Variants in SLC44A5 observed in about 807,000 individuals in gnomAD.
The protein encoded by SLC44A5 is solute carrier family 44 member 5.
SLC44A5 carries 57 observed loss-of-function variants against 101.8 expected under a neutral mutation model. The observed-to-expected ratio is 0.56, with a 90% CI of 0.45 to 0.70. The LOEUF is 0.70. Ranked by LOEUF, SLC44A5 falls within the 30% of genes least tolerant of loss-of-function variation. SLC44A5 has a pLI of 0.00. For synonymous variants in SLC44A5, 281 were observed against 290.9 expected (o/e 0.97, Z 0.35); for missense variants, 737 against 853.1 (o/e 0.86, Z 1.70).
intron 3 of SLC44A5, chr1:75,357,157 G>C (rs754816368): frequency 4.4e-6 from 2 of 454,910 alleles, no homozygotes; most frequent in South Asian, 3.1e-5. Context: ...TTACTTGCAG[G>C]AATTTAGAGA....
intron 5 of SLC44A5, among the ~76,000 whole-genome samples, chr1:75,297,857 A>C (rs1654089431): frequency 6.6e-6 from 1 of 152,170 alleles, no homozygotes; most frequent in South Asian, 2.1e-4. Context: ...TCAAATGTTA[A>C]GTGTCTCTGT....
chr1:75,668,963 G>T, the SLC44A5 span, among the ~76,000 whole-genome samples: 1 of 151,334 alleles, frequency 6.6e-6, no homozygotes, highest in African/African-American at 2.5e-5. Flanking sequence ...CCAAGATCAC[G>T]CCACCGAACT....
intron 2 of SLC44A5, among the ~76,000 whole-genome samples, chr1:75,478,339 AT>A (rs1667574938): frequency 6.6e-6 from 1 of 152,256 alleles, no homozygotes; most frequent in African/African-American, 2.4e-5. Flanking sequence ...AAGAAACTGC[AT>A]GAACTAACGA....
At chr1:75,624,570 C>T in the SLC44A5 span, among the ~76,000 whole-genome samples, 2 of 152,060 alleles carry the variant, frequency 1.3e-5, no homozygotes, top group Admixed American at 6.6e-5. Context: ...GGTCAGTAGG[C>T]CATTAGAGAA....
chr1:75,217,253 G>A (rs1171960238), intron 18 of SLC44A5, among the ~76,000 whole-genome samples: 1 of 151,928 alleles, frequency 6.6e-6, no homozygotes, highest in Non-Finnish European at 1.5e-5. Flanking sequence ...TAGTTTCTGG[G>A]ATTTCTGTTT....
At chr1:75,692,749 G>A in the SLC44A5 span, among the ~76,000 whole-genome samples, 2 of 152,120 alleles carry the variant, frequency 1.3e-5, no homozygotes. Flanking sequence ...AGGTAGGTTT[G>A]AAAAGAGAAA....
chr1:75,642,142 G>T, the SLC44A5 span: 1 of 838,094 alleles, frequency 1.2e-6, no homozygotes. Flanking sequence ...AAAACTGCCT[G>T]TAAATAAATA....
At chr1:75,376,079 C>T (rs977595460) in intron 3 of SLC44A5, among the ~76,000 whole-genome samples, 15 of 152,172 alleles carry the variant, frequency 9.9e-5, no homozygotes, top group South Asian at 2.1e-4. Flanking sequence ...GGGTGACGGA[C>T]GCACCTGGAA....
At chr1:75,236,138 T>G (rs1648055669) in intron 11 of SLC44A5, among the ~76,000 whole-genome samples, 1 of 152,052 alleles carries the variant, frequency 6.6e-6, no homozygotes, top group East Asian at 1.9e-4. Context: ...GATTTGATAG[T>G]CTAGGGATGG....
chr1:75,641,524 T>C, the SLC44A5 span: 2 of 1,484,190 alleles, frequency 1.3e-6, no homozygotes, highest in South Asian at 2.3e-5. Flanking sequence ...CTGCACTGAC[T>C]GGCTTTTCTA....
chr1:75,628,289 C>T, the SLC44A5 span, among the ~76,000 whole-genome samples: 4 of 152,266 alleles, frequency 2.6e-5, no homozygotes, highest in East Asian at 1.9e-4. Flanking sequence ...ATTGATTTCA[C>T]ATATCTGTAT....
At chr1:75,357,206 T>A (rs548620288) in intron 3 of SLC44A5, 2 of 455,788 alleles carry the variant, frequency 4.4e-6, no homozygotes, top group African/African-American at 4.0e-5. Flanking sequence ...TTGGCCTTAG[T>A]TGCTGGTGTC....
chr1:75,692,992 A>G, the SLC44A5 span, among the ~76,000 whole-genome samples: 1 of 152,228 alleles, frequency 6.6e-6, no homozygotes, highest in African/African-American at 2.4e-5. Context: ...ATGCAAAGGA[A>G]TGATTATAGT....
At chr1:75,632,197 T>A in the SLC44A5 span, among the ~76,000 whole-genome samples, 1 of 152,174 alleles carries the variant, frequency 6.6e-6, no homozygotes, top group African/African-American at 2.4e-5. Flanking sequence ...ATGATGCTTA[T>A]GTCATCATGT....
At chr1:75,264,323 T>A (rs79331054) in intron 6 of SLC44A5, among the ~76,000 whole-genome samples, 7,803 of 152,186 alleles carry the variant, frequency 0.051, 240 homozygotes, top group Middle Eastern at 0.13. Flanking sequence ...TTGGCATTGA[T>A]CCCCATGTGC....
At chr1:75,299,549 A>T (rs190484165) in intron 5 of SLC44A5, among the ~76,000 whole-genome samples, 142 of 152,302 alleles carry the variant, frequency 9.3e-4, no homozygotes, top group African/African-American at 3.2e-3. Context: ...CTAATATCTG[A>T]CTTTCACAAC....
intron 2 of SLC44A5, among the ~76,000 whole-genome samples, chr1:75,404,180 C>A (rs1662694066): frequency 6.6e-6 from 1 of 151,948 alleles, no homozygotes; most frequent in Admixed American, 6.6e-5. Context: ...AACAAAGCCT[C>A]CAAGAAATAT....
intron 20 of SLC44A5, among the ~76,000 whole-genome samples, chr1:75,214,212 G>A (rs1334686967): frequency 6.6e-6 from 1 of 152,094 alleles, no homozygotes. Flanking sequence ...GAGCCCTGCA[G>A]TGGTGGTGTC....
chr1:75,717,034 C>CAA, the SLC44A5 span, among the ~76,000 whole-genome samples: 1 of 144,462 alleles, frequency 6.9e-6, no homozygotes, highest in African/African-American at 2.6e-5. Flanking sequence ...ACTCCATCTC[C>CAA]AAAAAAAAAT....
Sources: gnomAD v4.1 joint callset for allele counts (sites outside exome capture counted in the v4.1 genomes callset) on GRCh38, gnomAD v4.1.1 for gene constraint, MANE v1.5 for transcripts, NCBI Gene and HGNC (gene_info 2026-07-23, HGNC 2026-07-21) for gene names.